Variants in CNTNAP5 observed in about 807,000 individuals in gnomAD.
CNTNAP5 encodes contactin associated protein family member 5.
CNTNAP5 carries 72 observed loss-of-function variants against 150.2 expected under a neutral mutation model. The ratio of observed to expected loss-of-function variants is 0.48; its 90% CI spans 0.40 to 0.58. CNTNAP5 has a LOEUF of 0.58. Among genes scored for constraint, CNTNAP5 ranks in the 20% least tolerant of loss-of-function variants. CNTNAP5 has a pLI of 0.00. For missense variants in CNTNAP5, 1,636 were observed against 1,626.2 expected (o/e 1.01, Z -0.10); for synonymous variants, 672 against 619.8 (o/e 1.08, Z -1.25).
intron 3 of CNTNAP5, among the ~76,000 whole-genome samples, chr2:124,266,890 C>A (rs890710656): frequency 1.3e-5 from 2 of 151,870 alleles, no homozygotes; most frequent in Non-Finnish European, 2.9e-5. Context: ...AAAAATACAC[C>A]CCCATAGAAT....
At chr2:124,848,055 A>C (rs1683085141) in intron 19 of CNTNAP5, among the ~76,000 whole-genome samples, 2 of 152,208 alleles carry the variant, frequency 1.3e-5, no homozygotes, top group Non-Finnish European at 2.9e-5. Context: ...ATGGGTCGAT[A>C]CATATAAACA....
intron 18 of CNTNAP5, among the ~76,000 whole-genome samples, chr2:124,796,667 A>C (rs775331553): frequency 6.6e-6 from 1 of 152,242 alleles, no homozygotes; most frequent in Non-Finnish European, 1.5e-5. Flanking sequence ...ACACATTTGC[A>C]ATAGAATTAG....
intron 3 of CNTNAP5, among the ~76,000 whole-genome samples, chr2:124,414,442 A>G (rs1461580554): frequency 2.0e-5 from 3 of 152,098 alleles, no homozygotes; most frequent in Non-Finnish European, 4.4e-5. Flanking sequence ...CAGATCTCAG[A>G]ACTGTGAGAC....
At chr2:124,270,380 G>A (rs1207371960) in intron 3 of CNTNAP5, among the ~76,000 whole-genome samples, 1 of 152,134 alleles carries the variant, frequency 6.6e-6, no homozygotes, top group Non-Finnish European at 1.5e-5. Context: ...GAGCTTAGCA[G>A]TGATTCTGCA....
chr2:124,377,539 G>C (rs1690679678), intron 3 of CNTNAP5, among the ~76,000 whole-genome samples: 2 of 151,924 alleles, frequency 1.3e-5, no homozygotes, highest in Admixed American at 1.3e-4. Context: ...GCCAGTCGTG[G>C]TGGCATGCGC....
chr2:124,806,520 C>T (rs314720), intron 19 of CNTNAP5, among the ~76,000 whole-genome samples: 107,519 of 152,064 alleles, frequency 0.71, 38,311 homozygotes, highest in East Asian at 0.85. Flanking sequence ...TGTGGCTCTA[C>T]GTTCTCACAG....
At chr2:124,175,364 T>A (rs1018326555) in intron 1 of CNTNAP5, among the ~76,000 whole-genome samples, 8 of 152,256 alleles carry the variant, frequency 5.3e-5, no homozygotes, top group African/African-American at 1.9e-4. Context: ...AATTTATTTT[T>A]AATGGCTTTT....
chr2:124,535,325 T>C (rs1384357926), intron 10 of CNTNAP5, among the ~76,000 whole-genome samples: 5 of 152,206 alleles, frequency 3.3e-5, no homozygotes, highest in Admixed American at 6.5e-5. Context: ...TGGAGACTTT[T>C]CGCTGTAATC....
At chr2:124,396,274 A>G (rs146202576) in intron 3 of CNTNAP5, among the ~76,000 whole-genome samples, 2 of 152,358 alleles carry the variant, frequency 1.3e-5, no homozygotes, top group Admixed American at 1.3e-4. Flanking sequence ...GCAAAGTATA[A>G]ACAGGGCCTG....
At chr2:124,211,768 G>C (rs1686019468) in intron 1 of CNTNAP5, among the ~76,000 whole-genome samples, 1 of 152,150 alleles carries the variant, frequency 6.6e-6, no homozygotes. Flanking sequence ...ATTTTCCTAA[G>C]TTCCAGTGAG....
intron 3 of CNTNAP5, among the ~76,000 whole-genome samples, chr2:124,327,868 T>A (rs1011819223): frequency 6.6e-6 from 1 of 152,148 alleles, no homozygotes; most frequent in Non-Finnish European, 1.5e-5. Flanking sequence ...CTCTTCAGAC[T>A]GTGTTAAGGA....
Position 124,747,261 on chromosome 2 carries a change from T to C in CNTNAP5, c.2110T>C (p.Ser704Pro). The change falls in exon 14 of 24, where the codon TCC (serine) becomes CCC (proline). Residue 704 changes from serine to proline, a missense_variant. Coordinates refer to ENST00000682447, the MANE Select transcript of CNTNAP5 (RefSeq NM_001367498.1). The stretch of plus-strand genomic sequence containing the variant: ...ACCATTTACCTGGTGGATTGGGCGG[T>C]CCAATGAAAGGCACCCTTACTGGGG... The part of the protein sequence containing the change: ...GTPFTWWIGR[S>P]NERHPYWGGS... The C allele has an allele frequency of 6.2e-7, 1 of 1,613,634 alleles. No individual in the cohort carries two copies. Among genetic ancestry groups the C allele is most frequent in the South Asian group, 1.1e-5 (1 of 91,062 alleles).
chr2:124,297,854 TATTA>T, intron 3 of CNTNAP5, among the ~76,000 whole-genome samples: 1 of 144,058 alleles, frequency 6.9e-6, no homozygotes, highest in South Asian at 2.1e-4. Flanking sequence ...TTATTATTAT[TATTA>T]TTTTGAAATG....
intron 19 of CNTNAP5, among the ~76,000 whole-genome samples, chr2:124,850,216 A>G (rs1332375427): frequency 6.6e-6 from 1 of 152,234 alleles, no homozygotes; most frequent in Non-Finnish European, 1.5e-5. Context: ...CCCCAAATTC[A>G]TGCCCACCTG....
chr2:124,440,081 T>C (rs1483327321), intron 5 of CNTNAP5, among the ~76,000 whole-genome samples: 1 of 152,144 alleles, frequency 6.6e-6, no homozygotes, highest in Non-Finnish European at 1.5e-5. Flanking sequence ...ATTCTTTGAG[T>C]CCTTAGGTAA....
intron 11 of CNTNAP5, among the ~76,000 whole-genome samples, chr2:124,588,155 CTT>C (rs879574206): frequency 0.011 from 630 of 55,658 alleles, 10 homozygotes; most frequent in African/African-American, 0.034. Flanking sequence ...TCCTTCCTTC[CTT>C]TTCCTTCCTT....
rs898890196 is a variant in CNTNAP5 at position 124,290,996 on chromosome 2, C to A, written c.381+48603C>A. On this transcript the variant is annotated intron_variant, in intron 3 of 23. Transcript: ENST00000682447. Reference sequence around the variant, plus strand: ...AAATAGTATGTGTGAAAACTTGCCACAGTGACAGTCACAGAGTGAGATCCT... The same window carrying A: ...AAATAGTATGTGTGAAAACTTGCCAAAGTGACAGTCACAGAGTGAGATCCT... Among the ~76,000 whole-genome samples the A allele has an allele frequency of 4.6e-5, 7 of 152,060 alleles. No homozygotes were observed. The East Asian group carries it at 1.3e-3, about 29-fold the overall frequency.
At chr2:124,480,117 C>T (rs1693731645) in intron 7 of CNTNAP5, among the ~76,000 whole-genome samples, 1 of 152,160 alleles carries the variant, frequency 6.6e-6, no homozygotes. Flanking sequence ...GGAGATAGCT[C>T]CTGTTCTTTC....
intron 6 of CNTNAP5, among the ~76,000 whole-genome samples, chr2:124,451,077 T>TATATATATACAC (rs755084840): frequency 6.5e-4 from 40 of 61,490 alleles, no homozygotes; most frequent in South Asian, 3.7e-3. Flanking sequence ...TATATATATA[T>TATATATATACAC]ACACACACAC....
Sources: allele counts gnomAD v4.1 joint callset (sites outside exome capture counted in the v4.1 genomes callset), GRCh38; gene constraint gnomAD v4.1.1; transcripts MANE v1.5; gene names NCBI Gene and HGNC (gene_info 2026-07-23, HGNC 2026-07-21).